CCDC3: variants seen among roughly 807,000 people sequenced by gnomAD.
CCDC3 encodes the protein coiled-coil domain containing 3.
Under a neutral mutation model 21.4 loss-of-function variants are expected in CCDC3, and 24 were observed. The ratio of observed to expected loss-of-function variants is 1.12; its 90% CI spans 0.81 to 1.58. The LOEUF is 1.58. Ranked by LOEUF, CCDC3 falls within the 40% of genes most tolerant of loss-of-function variation. The pLI is 0.00. For missense variants in CCDC3, 425 were observed against 360.9 expected (o/e 1.18, Z -1.44); for synonymous variants, 186 against 166.0 (o/e 1.12, Z -0.93).
At chr10:13,006,812 A>G (rs686568) in intron 5 of CCDC3, among the ~76,000 whole-genome samples, 122,332 of 152,118 alleles carry the variant, frequency 0.8, 50,162 homozygotes, top group Non-Finnish European at 0.88. Context: ...TCTAAAAGCT[A>G]GGTAAGGGGC....
At chr10:13,045,080 CA>C (rs1032392926) in intron 5 of CCDC3, among the ~76,000 whole-genome samples, 5 of 151,976 alleles carry the variant, frequency 3.3e-5, no homozygotes, top group African/African-American at 4.8e-5. Flanking sequence ...CTTTAACAGG[CA>C]AAAAATTACT....
intron 4 of CCDC3, among the ~76,000 whole-genome samples, chr10:13,058,999 A>G (rs609445): frequency 0.35 from 53,624 of 152,086 alleles, 9,631 homozygotes; most frequent in African/African-American, 0.4. Flanking sequence ...TTTACAGAAA[A>G]AAACAAAACA....
chr10:12,981,333 C>CCA (rs1835494487), intron 2 of CCDC3, among the ~76,000 whole-genome samples: 1 of 152,034 alleles, frequency 6.6e-6, no homozygotes, highest in Non-Finnish European at 1.5e-5. Context: ...GCACCTGCCA[C>CCA]CACACCCAGC....
chr10:13,093,105 A>G (rs1832594718), intron 3 of CCDC3, among the ~76,000 whole-genome samples: 1 of 149,690 alleles, frequency 6.7e-6, no homozygotes, highest in Non-Finnish European at 1.5e-5. Context: ...CAATTTAACC[A>G]GCTGTATTAG....
intron 2 of CCDC3, among the ~76,000 whole-genome samples, chr10:12,982,150 A>AT (rs1835508131): frequency 1.4e-5 from 2 of 146,016 alleles, no homozygotes. Flanking sequence ...AAAAAAAAAA[A>AT]AGTGAGCTAC....
intron 5 of CCDC3, among the ~76,000 whole-genome samples, chr10:13,040,366 T>C (rs73571923): frequency 0.011 from 1,747 of 152,286 alleles, 28 homozygotes; most frequent in African/African-American, 0.039. Flanking sequence ...GAGCCTTATC[T>C]ATCAGTGGAG....
intron 2 of CCDC3, among the ~76,000 whole-genome samples, chr10:12,929,675 C>T (rs1369516935): frequency 6.6e-6 from 1 of 152,208 alleles, no homozygotes; most frequent in Non-Finnish European, 1.5e-5. Context: ...GGCCCTTCCA[C>T]ATGGGTCCAG....
chr10:13,040,681 ACT>A, intron 5 of CCDC3, among the ~76,000 whole-genome samples: 1 of 122,910 alleles, frequency 8.1e-6, no homozygotes, highest in Admixed American at 9.6e-5. Context: ...CAAGAGCAAA[ACT>A]CTGTCACACA....
chr10:13,071,597 A>C (rs1836883076), intron 4 of CCDC3, among the ~76,000 whole-genome samples: 2 of 152,186 alleles, frequency 1.3e-5, no homozygotes, highest in South Asian at 4.1e-4. Context: ...CCTCCTTTTA[A>C]CATGGGTGAA....
At chr10:12,954,891 G>A (rs185003624) in intron 2 of CCDC3, among the ~76,000 whole-genome samples, 1 of 152,108 alleles carries the variant, frequency 6.6e-6, no homozygotes, top group East Asian at 1.9e-4. Context: ...AAACATAAGG[G>A]ACTCAGACAG....
Position 12,958,041 on chromosome 10 carries a change from C to T in CCDC3, c.549+40297G>A, listed in dbSNP as rs368015740. Among the ~76,000 whole-genome samples the T allele has an allele frequency of 7.5e-4, 114 of 151,906 alleles. 1 individual carries two copies. Among genetic ancestry groups the T allele is most frequent in the African/African-American group, 2.5e-3 (105 of 41,430 alleles). On this transcript the variant is annotated intron_variant, in intron 2 of 2. Coordinates refer to ENST00000378825, the MANE Select transcript of CCDC3 (RefSeq NM_031455.4). ...GGGGTTTCACCATGTTGGCCAGGCT[C>T]GGTTCCAACTCCTGACCTCAGGTGA... is the stretch of plus-strand genomic sequence containing the variant.
chr10:12,903,966 C>T (rs11258056), intron 2 of CCDC3, among the ~76,000 whole-genome samples: 129,697 of 152,232 alleles, frequency 0.85, 55,760 homozygotes, highest in Middle Eastern at 0.92. Context: ...TAGTATTGTT[C>T]CTACGGGTAT....
At chr10:13,020,995 T>C (rs1384182235) in intron 5 of CCDC3, among the ~76,000 whole-genome samples, 1 of 152,238 alleles carries the variant, frequency 6.6e-6, no homozygotes, top group African/African-American at 2.4e-5. Context: ...AATGAATCAA[T>C]ATGTCCTGTA....
chr10:12,957,240 C>G (rs966211585), intron 2 of CCDC3, among the ~76,000 whole-genome samples: 2 of 152,140 alleles, frequency 1.3e-5, no homozygotes, highest in Non-Finnish European at 2.9e-5. Flanking sequence ...AACTCAGGCC[C>G]CTGCAGGTTT....
intron 5 of CCDC3, among the ~76,000 whole-genome samples, chr10:13,036,959 A>AT (rs1318119854): frequency 6.6e-6 from 1 of 151,156 alleles, no homozygotes; most frequent in African/African-American, 2.4e-5. Context: ...TTCTTTGTTT[A>AT]TTTTTTGTAG....
At chr10:13,016,865 A>G (rs1836069187) in intron 5 of CCDC3, among the ~76,000 whole-genome samples, 1 of 152,084 alleles carries the variant, frequency 6.6e-6, no homozygotes, top group South Asian at 2.1e-4. Flanking sequence ...AGCACTGTCT[A>G]TAATACTTCC....
chr10:13,017,183 C>T (rs963900097), intron 5 of CCDC3, among the ~76,000 whole-genome samples: 19 of 151,890 alleles, frequency 1.3e-4, no homozygotes, highest in Admixed American at 2.6e-4. Flanking sequence ...AACAGGGAGA[C>T]GAGCTGATTT....
chr10:12,938,127 G>A (rs569175677), intron 2 of CCDC3, among the ~76,000 whole-genome samples: 1 of 152,260 alleles, frequency 6.6e-6, no homozygotes, highest in South Asian at 2.1e-4. Flanking sequence ...TTGTCCCTCA[G>A]CCTTTAGGGT....
At chr10:12,958,811 C>A (rs1299327932) in intron 2 of CCDC3, among the ~76,000 whole-genome samples, 2 of 152,122 alleles carry the variant, frequency 1.3e-5, no homozygotes, top group African/African-American at 2.4e-5. Flanking sequence ...GCCTGCCAAC[C>A]CCCCTGGGAA....
Sources: gnomAD v4.1 joint callset for allele counts (sites outside exome capture counted in the v4.1 genomes callset) on GRCh38, gnomAD v4.1.1 for gene constraint, MANE v1.5 for transcripts, NCBI Gene and HGNC (gene_info 2026-07-23, HGNC 2026-07-21) for gene names.